TLK2: variants seen among roughly 807,000 people sequenced by gnomAD.
TLK2 encodes serine/threonine-protein kinase tousled-like 2.
Under a neutral mutation model 117.3 loss-of-function variants are expected in TLK2, and 6 were observed. That is an observed-to-expected ratio of 0.05 (90% confidence interval 0.03 to 0.10). TLK2 has a LOEUF of 0.10. Ranked by LOEUF, TLK2 falls within the 10% of genes least tolerant of loss-of-function variation. The pLI, the probability that TLK2 is intolerant of heterozygous loss-of-function variation, is 1.00. For missense variants in TLK2, 299 were observed against 901.2 expected (o/e 0.33, Z 8.56); for synonymous variants, 257 against 316.7 (o/e 0.81, Z 2.00).
chr17:62,475,718 G>C (rs1261068932), upstream of TLK2, among the ~76,000 whole-genome samples: 2 of 151,646 alleles, frequency 1.3e-5, no homozygotes. Flanking sequence ...GGAGTGCAGT[G>C]GTGTGATCTC....
chr17:62,527,656 AT>A (rs1413995073), intron 6 of TLK2, among the ~76,000 whole-genome samples: 24 of 151,790 alleles, frequency 1.6e-4, no homozygotes, highest in Non-Finnish European at 3.1e-4. Flanking sequence ...ATTTATTTTC[AT>A]TGGTGTGTTA....
In TLK2 at chr17:62,523,138, A is replaced by G; in HGVS notation, c.228A>G (p.Lys76=). The change falls in exon 5 of 22, where the codon AAA becomes AAG. Residue 76 remains lysine, a synonymous_variant. Coordinates refer to ENST00000346027, the MANE Select transcript of TLK2 (RefSeq NM_006852.6). ...TTACTTTGGTTTCATTTTCAGGGAAAGGCACTCCTAGGGGACATAAAATTA... is the reference window on the plus strand; with the variant it reads ...TTACTTTGGTTTCATTTTCAGGGAAGGGCACTCCTAGGGGACATAAAATTA... ...KAEPYETSQG[K]GTPRGHKISD... 1 of 1,589,728 alleles carries G rather than the reference A, an allele frequency of 6.3e-7. No homozygotes were observed. Among genetic ancestry groups the G allele is most frequent in the South Asian group, 1.2e-5 (1 of 86,130 alleles).
intron 16 of TLK2, among the ~76,000 whole-genome samples, chr17:62,589,576 A>G (rs2081919294): frequency 6.6e-6 from 1 of 152,168 alleles, no homozygotes; most frequent in Non-Finnish European, 1.5e-5. Context: ...ACACTCTGCA[A>G]ATTCCCTTAA....
chr17:62,473,142 T>C (rs779386735), intron 1 of TLK2, among the ~76,000 whole-genome samples: 7 of 152,126 alleles, frequency 4.6e-5, no homozygotes, highest in Non-Finnish European at 8.8e-5. Context: ...CTTTTTCCTC[T>C]TACCCCAGGC....
At chr17:62,564,750 C>T (rs1471424365) in intron 10 of TLK2, among the ~76,000 whole-genome samples, 1 of 151,392 alleles carries the variant, frequency 6.6e-6, no homozygotes, top group East Asian at 1.9e-4. Context: ...AAACAAAAAA[C>T]CCCACACACA....
At position 62,553,649 on chromosome 17, in the gene TLK2, C is replaced by T; in HGVS notation, c.628-14C>T. The T allele has an allele frequency of 6.3e-7, 1 of 1,584,468 alleles. No individual in the cohort carries two copies. Among genetic ancestry groups the T allele is most frequent in the Non-Finnish European group, 8.7e-7 (1 of 1,154,412 alleles). On this transcript the variant is annotated splice_polypyrimidine_tract_variant and intron_variant, in intron 8 of 21. Transcript: ENST00000346027. ...GAGACTAATCCTAAATTTGTTTTAC[C>T]TTTGTCTCTGTAGTCCGACCTCACA...
chr17:62,596,841 C>G (rs2082513782), intron 17 of TLK2, among the ~76,000 whole-genome samples, 167 bp downstream of exon 17: 1 of 152,208 alleles, frequency 6.6e-6, no homozygotes, highest in South Asian at 2.1e-4. Flanking sequence ...CAAGAAACCT[C>G]TAGGCCAAAG....
At chr17:62,531,670 A>G (rs984402545) in intron 6 of TLK2, among the ~76,000 whole-genome samples, 3 of 151,670 alleles carry the variant, frequency 2.0e-5, no homozygotes, top group Admixed American at 2.0e-4. Flanking sequence ...ATTCAGGGAA[A>G]ATTTTTATTT....
intron 13 of TLK2, 22 bp from the exon 14 acceptor site, chr17:62,578,455 A>G (rs548712305): frequency 6.8e-5 from 109 of 1,603,278 alleles, no homozygotes; most frequent in Non-Finnish European, 9.0e-5. Flanking sequence ...ATTTTGTGCT[A>G]TTTCTTTCCT....
intron 6 of TLK2, among the ~76,000 whole-genome samples, chr17:62,533,763 C>T (rs2076923160): frequency 6.6e-6 from 1 of 152,162 alleles, no homozygotes; most frequent in South Asian, 2.1e-4. Context: ...AGGCATGAGC[C>T]ACTGTGCCCC....
intron 11 of TLK2, among the ~76,000 whole-genome samples, chr17:62,570,077 A>G (rs1298941818): frequency 1.3e-5 from 2 of 152,044 alleles, no homozygotes; most frequent in Non-Finnish European, 2.9e-5. Flanking sequence ...CTCTTCTCAT[A>G]AGGATACCGG....
At chr17:62,549,445 A>G (rs2078262876) in intron 7 of TLK2, among the ~76,000 whole-genome samples, 1 of 145,450 alleles carries the variant, frequency 6.9e-6, no homozygotes, top group South Asian at 2.2e-4. Context: ...AAATAGAAAC[A>G]CATTGTAAAA....
chr17:62,564,446 G>C (rs2079560570), intron 10 of TLK2, among the ~76,000 whole-genome samples: 1 of 148,712 alleles, frequency 6.7e-6, no homozygotes, highest in Non-Finnish European at 1.5e-5. Context: ...TGAGGCAGGA[G>C]AATCGCTTGA....
intron 2 of TLK2, among the ~76,000 whole-genome samples, chr17:62,505,393 A>C (rs1488712202): frequency 7.8e-6 from 1 of 127,974 alleles, no homozygotes; most frequent in Non-Finnish European, 1.6e-5. Context: ...ACAGTCATGC[A>C]CTACCATACC....
intron 11 of TLK2, among the ~76,000 whole-genome samples, chr17:62,572,081 A>G (rs2080347126): frequency 6.6e-6 from 1 of 151,894 alleles, no homozygotes; most frequent in Non-Finnish European, 1.5e-5. Context: ...GAGGCACGAG[A>G]ATCACTTGAA....
intron 9 of TLK2, among the ~76,000 whole-genome samples, chr17:62,555,341 G>A (rs2078775050): frequency 6.6e-6 from 1 of 151,946 alleles, no homozygotes; most frequent in Non-Finnish European, 1.5e-5. Flanking sequence ...TGTTTTACTT[G>A]TATTATATTT....
At chr17:62,595,621 G>A (rs1016958555) in intron 16 of TLK2, among the ~76,000 whole-genome samples, 1 of 149,954 alleles carries the variant, frequency 6.7e-6, no homozygotes, top group African/African-American at 2.5e-5. Context: ...ATGGGACCCC[G>A]TCATATGTGT....
Position 62,560,145 on chromosome 17 carries a change from T to C in TLK2, c.831+19T>C, listed in dbSNP as rs751738437. 10 of 1,556,720 alleles carry C rather than the reference T, an allele frequency of 6.4e-6. No homozygotes were observed. The highest frequency in any genetic ancestry group is 8.8e-6 in the Non-Finnish European group (10 of 1,139,058). ...AGAAAAGGTTAGTGAATAATGTTGG[T>C]CTAAACTCTGTATCCCAAGATACTC... On this transcript the variant is annotated intron_variant, in intron 10 of 21. Transcript: ENST00000346027.
chr17:62,558,385 A>G (rs2079020565), intron 9 of TLK2, among the ~76,000 whole-genome samples: 1 of 151,468 alleles, frequency 6.6e-6, no homozygotes, highest in South Asian at 2.1e-4. Flanking sequence ...CTGGTCTTGA[A>G]CTCCTGGGCT....
Sources: allele counts gnomAD v4.1 joint callset (sites outside exome capture counted in the v4.1 genomes callset), GRCh38; gene constraint gnomAD v4.1.1; transcripts MANE v1.5; gene names NCBI Gene and HGNC (gene_info 2026-07-23, HGNC 2026-07-21).